DNM3: variants seen among roughly 807,000 people sequenced by gnomAD.
The protein encoded by DNM3 is dynamin 3, also known as dynamin-3.
Under a neutral mutation model 101.6 loss-of-function variants are expected in DNM3, and 47 were observed. That is an observed-to-expected ratio of 0.46 (90% CI 0.37 to 0.59). The LOEUF (loss-of-function observed/expected upper bound fraction) is 0.59, where lower values mean the gene tolerates loss of function less well. DNM3 is among the 20% of genes least tolerant of loss of function. The probability of loss-of-function intolerance (pLI) is 0.00; values close to 1 mark genes in which losing one functional copy is unlikely to be tolerated. For missense variants in DNM3, 849 were observed against 1,085.7 expected, an observed-to-expected ratio of 0.78 and a Z score of 3.06; for synonymous variants, 385 against 387.9, an observed-to-expected ratio of 0.99 and a Z score of 0.09.
intron 1 of DNM3, among the ~76,000 whole-genome samples, chr1:171,842,123 G>A (rs1291678805): frequency 2.0e-5 from 3 of 152,010 alleles, no homozygotes; most frequent in African/African-American, 7.2e-5. Context: ...GGTCCGCCCC[G>A]GGCTCGACCC....
intron 1 of DNM3, among the ~76,000 whole-genome samples, chr1:171,888,846 A>G (rs2037004694): frequency 6.6e-6 from 1 of 152,256 alleles, no homozygotes; most frequent in South Asian, 2.1e-4. Context: ...GCAAGGCAGC[A>G]TTGGGTATCA....
chr1:171,863,409 G>A (rs1299577745), intron 1 of DNM3, among the ~76,000 whole-genome samples: 1 of 152,100 alleles, frequency 6.6e-6, no homozygotes. Flanking sequence ...GGAAGCAGAG[G>A]GAGGGGCAGA....
intron 2 of DNM3, among the ~76,000 whole-genome samples, chr1:171,955,918 A>G (rs1397750118): frequency 6.6e-6 from 1 of 151,300 alleles, no homozygotes; most frequent in East Asian, 1.9e-4. Context: ...GTGCAGGGAA[A>G]CTCCCCTTTA....
chr1:171,905,615 T>C (rs1006107956), intron 1 of DNM3, among the ~76,000 whole-genome samples: 7 of 152,096 alleles, frequency 4.6e-5, no homozygotes, highest in Non-Finnish European at 1.0e-4. Flanking sequence ...AGCTAAAAAA[T>C]ATTTACTTCA....
intron 15 of DNM3, among the ~76,000 whole-genome samples, chr1:172,284,085 T>C (rs1416702856): frequency 6.6e-6 from 1 of 152,224 alleles, no homozygotes; most frequent in Admixed American, 6.5e-5. Flanking sequence ...TCACAGCTGC[T>C]ACGTTTTCCT....
intron 1 of DNM3, among the ~76,000 whole-genome samples, chr1:171,913,172 A>T (rs1279777753): frequency 6.6e-6 from 1 of 152,244 alleles, no homozygotes; most frequent in Non-Finnish European, 1.5e-5. Flanking sequence ...TTCAGTGGGA[A>T]CCATTAATTA....
In DNM3 at chr1:172,386,509, C is replaced by T. The variant is rs545636934; in HGVS notation, c.2059-624C>T. On this transcript the variant is annotated intron_variant, in intron 18 of 20. Transcript: ENST00000627582. ...GTCAGTCCCCATCACTGTTAACTAACTTCTATTGTAAACTTCTGGAAAACA... is the reference window on the plus strand; with the variant it reads ...GTCAGTCCCCATCACTGTTAACTAATTTCTATTGTAAACTTCTGGAAAACA... 2.0e-5 allele frequency among the ~76,000 whole-genome samples: 3 copies of T among 152,206 alleles called. No homozygotes were observed. In the South Asian group the frequency reaches 6.2e-4, roughly 31 times the overall value.
intron 4 of DNM3, among the ~76,000 whole-genome samples, chr1:172,023,915 T>C (rs886290939): frequency 1.3e-4 from 20 of 151,728 alleles, no homozygotes; most frequent in Non-Finnish European, 2.5e-4. Context: ...CTTGAGTTTT[T>C]CTTCCAACCA....
chr1:172,226,890 G>T (rs2061143765), intron 14 of DNM3, among the ~76,000 whole-genome samples: 1 of 151,940 alleles, frequency 6.6e-6, no homozygotes, highest in South Asian at 2.1e-4. Flanking sequence ...GACACATTTT[G>T]TTTCATTTAA....
chr1:172,411,397 A>G lies in DNM3; in HGVS notation c.*3556A>G. The G allele has an allele frequency of 7.1e-6, 7 of 985,116 alleles. No homozygotes were observed. Among genetic ancestry groups the G allele is most frequent in the Non-Finnish European group, 8.4e-6 (7 of 829,690 alleles). The allele number at this position is 985,116 out of a possible 1,614,324, so 61.0% of individuals were successfully genotyped here. A position where few individuals can be genotyped will look rare whatever the true frequency, so the allele number is the denominator to read the frequency against. On this transcript the variant is annotated 3_prime_UTR_variant, in exon 21 of 21. Transcript: ENST00000627582. The stretch of plus-strand genomic sequence containing the variant: ...ATCTAAGAAGGAATTACCTTTGACA[A>G]TATTTTTCGGTAAGAAGTAAAACCT...
chr1:172,108,595 G>A (rs1164071200), intron 13 of DNM3, among the ~76,000 whole-genome samples: 4 of 152,084 alleles, frequency 2.6e-5, no homozygotes, highest in African/African-American at 9.7e-5. Context: ...TCACTAATTA[G>A]GGAATGAAAT....
At chr1:172,284,526 C>A (rs1265713485) in intron 15 of DNM3, among the ~76,000 whole-genome samples, 2 of 152,060 alleles carry the variant, frequency 1.3e-5, no homozygotes, top group African/African-American at 4.8e-5. Context: ...CGCTATGTAC[C>A]CCTAAGGGCC....
chr1:171,868,690 T>C (rs560565445), intron 1 of DNM3, among the ~76,000 whole-genome samples: 1 of 152,316 alleles, frequency 6.6e-6, no homozygotes, highest in Non-Finnish European at 1.5e-5. Context: ...TGAGCCTCTC[T>C]CTATTTAAAA....
intron 13 of DNM3, among the ~76,000 whole-genome samples, chr1:172,102,806 C>T (rs1466530315): frequency 6.6e-6 from 1 of 152,090 alleles, no homozygotes; most frequent in African/African-American, 2.4e-5. Context: ...CTCTTTGATG[C>T]TCTCTGTTTT....
At chr1:172,037,474 A>G (rs1036155193) in intron 6 of DNM3, among the ~76,000 whole-genome samples, 18 of 152,146 alleles carry the variant, frequency 1.2e-4, no homozygotes, top group African/African-American at 2.7e-4. Flanking sequence ...TAGGAAGTTT[A>G]TATTCTTTTC....
intron 6 of DNM3, among the ~76,000 whole-genome samples, chr1:172,036,616 C>G (rs1048813353): frequency 1.3e-5 from 2 of 152,090 alleles, no homozygotes; most frequent in Admixed American, 1.3e-4. Flanking sequence ...AACTGGATCC[C>G]TTCCTTACAC....
chr1:172,246,292 A>G (rs9943164), intron 14 of DNM3, among the ~76,000 whole-genome samples: 1,915 of 152,248 alleles, frequency 0.013, 40 homozygotes, highest in African/African-American at 0.043. Context: ...GATGAGTTTA[A>G]TGGACAGGTT....
At chr1:172,281,212 T>A (rs1269900470) in intron 15 of DNM3, among the ~76,000 whole-genome samples, 1 of 152,068 alleles carries the variant, frequency 6.6e-6, no homozygotes, top group African/African-American at 2.4e-5. Flanking sequence ...GAGAAGGATA[T>A]ACTACTTAAT....
intron 10 of DNM3, among the ~76,000 whole-genome samples, chr1:172,059,922 G>T (rs1357843798): frequency 2.3e-5 from 3 of 130,078 alleles, no homozygotes; most frequent in African/African-American, 3.0e-5. Flanking sequence ...GTTTGCAGAC[G>T]ACATGATTGT....
Sources: gnomAD v4.1 joint callset for allele counts (sites outside exome capture counted in the v4.1 genomes callset) on GRCh38, gnomAD v4.1.1 for gene constraint, MANE v1.5 for transcripts, NCBI Gene and HGNC (gene_info 2026-07-23, HGNC 2026-07-21) for gene names.